The following NMNAT2 variants were observed in gnomAD, a reference collection of about 807,000 sequenced individuals.
NMNAT2 encodes the protein nicotinamide/nicotinic acid mononucleotide adenylyltransferase 2.
Under a neutral mutation model 41.6 loss-of-function variants are expected in NMNAT2, and 11 were observed. The ratio of observed to expected loss-of-function variants is 0.26; its 90% CI spans 0.17 to 0.44. NMNAT2 has a LOEUF of 0.44. Among genes scored for constraint, NMNAT2 ranks in the 20% least tolerant of loss-of-function variants. The pLI is 1.00. For synonymous variants in NMNAT2, 148 were observed against 151.2 expected, an observed-to-expected ratio of 0.98 and a Z score of 0.16; for missense variants, 288 against 407.7, an observed-to-expected ratio of 0.71 and a Z score of 2.53.
intron 1 of NMNAT2, among the ~76,000 whole-genome samples, chr1:183,321,783 T>C (rs371698939): frequency 6.6e-6 from 1 of 152,000 alleles, no homozygotes; most frequent in East Asian, 1.9e-4. Flanking sequence ...TGTTACTTAA[T>C]GTTACTTGGA....
At chr1:183,307,920 T>C (rs1023105854) in intron 1 of NMNAT2, among the ~76,000 whole-genome samples, 5 of 151,970 alleles carry the variant, frequency 3.3e-5, no homozygotes, top group African/African-American at 1.2e-4. Context: ...GAAGCCAAGG[T>C]TGGGGAGGGC....
chr1:183,401,490 T>C (rs970365299), intron 1 of NMNAT2, among the ~76,000 whole-genome samples: 16 of 152,182 alleles, frequency 1.1e-4, no homozygotes, highest in Non-Finnish European at 8.8e-5. Flanking sequence ...GTTCAACCAT[T>C]GTGGAAGACA....
chr1:183,291,982 G>A (rs186616749), intron 3 of NMNAT2, among the ~76,000 whole-genome samples: 91 of 152,168 alleles, frequency 6.0e-4, no homozygotes, highest in African/African-American at 2.0e-3. Context: ...CGCCCACCCC[G>A]CTCTTCCTGG....
In NMNAT2 at chr1:183,397,624, T is replaced by G. The variant is rs555459193; in HGVS notation, c.85+20559A>C. ...ACATAATTGTCAAATTCAACAAAGT[T>G]GAAATGAAGGAAAAAATGTTAAGAG... On this transcript the variant is annotated intron_variant, in intron 1 of 10. Coordinates refer to ENST00000287713, the MANE Select transcript of NMNAT2 (RefSeq NM_015039.4). 2.6e-5 allele frequency among the ~76,000 whole-genome samples: 4 copies of G among 152,042 alleles called. No individual in the cohort carries two copies. In the East Asian group the frequency reaches 7.7e-4, roughly 29 times the overall value.
chr1:183,368,372 A>G (rs1316119330), intron 1 of NMNAT2, among the ~76,000 whole-genome samples: 2 of 152,180 alleles, frequency 1.3e-5, no homozygotes, highest in African/African-American at 2.4e-5. Context: ...CGGAATAAGG[A>G]CAGAGAAGTC....
chr1:183,408,004 A>G (rs911188306), intron 1 of NMNAT2, among the ~76,000 whole-genome samples: 1 of 152,252 alleles, frequency 6.6e-6, no homozygotes, highest in Non-Finnish European at 1.5e-5. Context: ...TTACCCAGTC[A>G]GCCAGAAAAA....
At chr1:183,265,368 GT>G (rs1200804636) in intron 8 of NMNAT2, among the ~76,000 whole-genome samples, 2 of 141,790 alleles carry the variant, frequency 1.4e-5, no homozygotes, top group East Asian at 4.4e-4. Context: ...CTGGGTTCAA[GT>G]GATTCTCCTG....
At chr1:183,374,390 G>C (rs1489121240) in intron 1 of NMNAT2, among the ~76,000 whole-genome samples, 5 of 152,200 alleles carry the variant, frequency 3.3e-5, no homozygotes, top group Non-Finnish European at 7.3e-5. Context: ...ACCCCGTCAA[G>C]AAGAGCCTTT....
At chr1:183,358,097 A>G (rs940102811) in intron 1 of NMNAT2, among the ~76,000 whole-genome samples, 2 of 152,202 alleles carry the variant, frequency 1.3e-5, no homozygotes, top group African/African-American at 4.8e-5. Context: ...CATAACAAAG[A>G]ATGAGATCAT....
chr1:183,262,154 C>T (rs1217805785), intron 8 of NMNAT2, among the ~76,000 whole-genome samples: 1 of 152,056 alleles, frequency 6.6e-6, no homozygotes, highest in African/African-American at 2.4e-5. Context: ...TGGTCTCAAA[C>T]TCTGGGACCC....
intron 10 of NMNAT2, among the ~76,000 whole-genome samples, chr1:183,253,481 A>G (rs569178740): frequency 6.6e-5 from 10 of 152,106 alleles, no homozygotes; most frequent in African/African-American, 2.4e-4. Context: ...CCCTAAATAT[A>G]ATACACTATT....
At chr1:183,412,380 C>A (rs145665100) in intron 1 of NMNAT2, among the ~76,000 whole-genome samples, 2 of 152,106 alleles carry the variant, frequency 1.3e-5, no homozygotes, top group Non-Finnish European at 2.9e-5. Context: ...TGTGCCACCA[C>A]GCCCGGCTAA....
intron 10 of NMNAT2, among the ~76,000 whole-genome samples, chr1:183,255,634 A>C (rs1571552962): frequency 7.1e-6 from 1 of 140,072 alleles, no homozygotes; most frequent in Non-Finnish European, 1.6e-5. Context: ...CAGATTTTTC[A>C]CTTCCTTTGT....
At chr1:183,325,144 G>T (rs767609118) in intron 1 of NMNAT2, among the ~76,000 whole-genome samples, 1 of 152,230 alleles carries the variant, frequency 6.6e-6, no homozygotes, top group Non-Finnish European at 1.5e-5. Flanking sequence ...ATCTGCTGAA[G>T]TGGGAAGGAG....
intron 1 of NMNAT2, among the ~76,000 whole-genome samples, chr1:183,354,542 G>A (rs1663140795): frequency 6.6e-6 from 1 of 150,936 alleles, no homozygotes; most frequent in South Asian, 2.1e-4. Flanking sequence ...CTCCTGAGTA[G>A]CTAGGACTAC....
At position 183,369,252 on chromosome 1, in the gene NMNAT2, T is replaced by TC. The variant is rs1228433461; in HGVS notation, c.85+48930dup. Among the ~76,000 whole-genome samples, 5 of 97,922 alleles carry TC rather than the reference T, an allele frequency of 5.1e-5. No homozygotes were observed. In the East Asian group the frequency reaches 2.1e-3, roughly 41 times the overall value. The allele number at this position is 97,922 out of a possible 152,430, so 64.2% of individuals were successfully genotyped here. Reference sequence around the variant, plus strand: ...TTGAGGAAGGTATTCTTTTTTTTTTTCTTTTCTTTTCTTTTTTTTTTTTTA... The same window carrying TC: ...TTGAGGAAGGTATTCTTTTTTTTTTTCCTTTTCTTTTCTTTTTTTTTTTTTA... On this transcript the variant is annotated intron_variant, in intron 1 of 10. Transcript: ENST00000287713.
At chr1:183,261,140 A>G (rs1660647028) in intron 9 of NMNAT2, 62 bp downstream of exon 9, 3 of 1,601,532 alleles carry the variant, frequency 1.9e-6, no homozygotes, top group Non-Finnish European at 2.6e-6. Flanking sequence ...TCACTCCTCC[A>G]GCTGCCAGGA....
chr1:183,359,781 G>A (rs1663267507), intron 1 of NMNAT2, among the ~76,000 whole-genome samples: 1 of 152,162 alleles, frequency 6.6e-6, no homozygotes, highest in Non-Finnish European at 1.5e-5. Flanking sequence ...TGGGATTCAG[G>A]TGTGATTGAA....
intron 10 of NMNAT2, among the ~76,000 whole-genome samples, chr1:183,256,434 A>C (rs2102275535): frequency 6.6e-6 from 1 of 152,286 alleles, no homozygotes; most frequent in South Asian, 2.1e-4. Flanking sequence ...AAAATTAAAA[A>C]ATTTAAAAAA....
Sources: gnomAD v4.1 joint callset for allele counts (sites outside exome capture counted in the v4.1 genomes callset) on GRCh38, gnomAD v4.1.1 for gene constraint, MANE v1.5 for transcripts, NCBI Gene and HGNC (gene_info 2026-07-23, HGNC 2026-07-21) for gene names.